The following LPA variants were observed in gnomAD, a reference collection of about 807,000 sequenced individuals.
The protein encoded by LPA is lipoprotein(a).
Under a neutral mutation model 197.9 loss-of-function variants are expected in LPA, and 199 were observed. The observed-to-expected ratio is 1.01, with a 90% CI of 0.90 to 1.13. LPA has a LOEUF of 1.13. Among genes scored for constraint, LPA ranks in the 50% most tolerant of loss-of-function variants. The probability of loss-of-function intolerance (pLI) is 0.00; values close to 1 mark genes in which losing one functional copy is unlikely to be tolerated. For missense variants in LPA, 1,853 were observed against 1,785.8 expected (o/e 1.04, Z -0.68); for synonymous variants, 715 against 639.5 (o/e 1.12, Z -1.78).
chr6:160,659,331 C>G (rs554393826), intron 1 of LPA, among the ~76,000 whole-genome samples: 1 of 152,192 alleles, frequency 6.6e-6, no homozygotes, highest in East Asian at 1.9e-4. Flanking sequence ...TTTTCCTTCC[C>G]TAGTCCAAGT....
At position 160,548,539 on chromosome 6, in the gene LPA, C is replaced by T; in HGVS notation, c.5094G>A (p.Gly1698=). ...TGACAGTCGGAGGAGCGACCACAGT[C>T]CCTTCTGTGTCTGAGCATCGCGTCA... ...CNLTRCSDTE[G]TVVAPPTVIQ... is the part of the protein sequence containing the mutation. The change falls in exon 31 of 39, where the codon GGG becomes GGA. Residue 1698 remains glycine (G), a synonymous_variant. Transcript: ENST00000316300. 5 of 1,614,092 alleles carry T rather than the reference C, an allele frequency of 3.1e-6. No individual in the cohort carries two copies. The South Asian group carries it at 4.4e-5, about 14-fold the overall frequency.
intron 2 of LPA, among the ~76,000 whole-genome samples, chr6:160,646,612 T>TA (rs1226848947): frequency 6.1e-5 from 6 of 97,712 alleles, no homozygotes; most frequent in Admixed American, 2.3e-4. Flanking sequence ...TTTTTTTAAA[T>TA]AAAAAATCTA....
chr6:160,566,920 G>A (rs924550052), intron 28 of LPA, among the ~76,000 whole-genome samples: 1 of 152,062 alleles, frequency 6.6e-6, no homozygotes, highest in Non-Finnish European at 1.5e-5. Context: ...ATGGTAAAGG[G>A]ACCAATTTAA....
At chr6:160,611,448 C>A (rs192679543) in intron 16 of LPA, 114 bp downstream of exon 16, 1 of 1,528,240 alleles carries the variant, frequency 6.5e-7, no homozygotes. Flanking sequence ...CATTTTGCTA[C>A]ACCATCTGAA....
Position 160,599,609 on chromosome 6 carries a change from G to A in LPA, c.3178C>T (p.Gln1060Ter), listed in dbSNP as rs113020022. The A allele has an allele frequency of 2.3e-5, 37 of 1,614,136 alleles. No homozygotes were observed. Among genetic ancestry groups the A allele is most frequent in the Non-Finnish European group, 3.1e-5 (37 of 1,179,996 alleles). The change falls in exon 20 of 39, where the codon CAG becomes TAG. Residue 1060 changes from glutamine to a stop codon, truncating the protein, a stop_gained. Coordinates refer to ENST00000316300, the MANE Select transcript of LPA (RefSeq NM_005577.4). LOFTEE classifies it high-confidence loss of function. ...GVQDCYYHYGQSYRGTYSTTV... is the reference protein window; with the variant it reads ...GVQDCYYHYG ...GTGGAGTATGTGCCTCGGTAACTCT[G>A]TCCATAATGGTAGTAGCAGTCCTGT...
In LPA at chr6:160,605,135, G is replaced by A. The variant is rs771701529; in HGVS notation, c.2856C>T (p.Tyr952=). The A allele has an allele frequency of 2.5e-6, 4 of 1,613,896 alleles. No individual in the cohort carries two copies. The highest frequency in any genetic ancestry group is 3.4e-6 in the Non-Finnish European group (4 of 1,179,882). Reference sequence around the variant, plus strand: ...AGGTTCTTCCTGTGACAGTAATGAAGTATGTGCCTTGATAACTCTGTCCAT... The same window carrying A: ...AGGTTCTTCCTGTGACAGTAATGAAATATGTGCCTTGATAACTCTGTCCAT... ...HGNGQSYQGT[Y]FITVTGRTCQ... The change falls in exon 18 of 39, where the codon TAC becomes TAT. Residue 952 remains tyrosine, a synonymous_variant. Coordinates refer to ENST00000316300, the MANE Select transcript of LPA (RefSeq NM_005577.4).
intron 26 of LPA, among the ~76,000 whole-genome samples, chr6:160,579,098 C>T (rs1778741775): frequency 6.6e-6 from 1 of 151,966 alleles, no homozygotes; most frequent in African/African-American, 2.4e-5. Context: ...GTCTGTCTAG[C>T]TCTTTGTCTC....
At chr6:160,659,478 A>T (rs1780186675) in intron 1 of LPA, among the ~76,000 whole-genome samples, 1 of 152,240 alleles carries the variant, frequency 6.6e-6, no homozygotes. Context: ...CTGTGGGCCC[A>T]AGCCAGGAGC....
intron 18 of LPA, among the ~76,000 whole-genome samples, chr6:160,601,933 T>C (rs748123614): frequency 1.5e-4 from 23 of 152,230 alleles, no homozygotes; most frequent in Middle Eastern, 6.8e-3. Flanking sequence ...GACTATGAGG[T>C]CTGAAGAGGT....
chr6:160,663,687 T>A (rs2115116400), intron 1 of LPA, among the ~76,000 whole-genome samples: 1 of 152,330 alleles, frequency 6.6e-6, no homozygotes, highest in South Asian at 2.1e-4. Context: ...AAAGCCTTAC[T>A]CAGGCCATAA....
At chr6:160,541,248 G>T in intron 34 of LPA, 67 bp from the exon 35 acceptor site, 1 of 1,153,822 alleles carries the variant, frequency 8.7e-7, no homozygotes, top group Non-Finnish European at 1.3e-6. Flanking sequence ...TGTACAGAAA[G>T]CCAGGAAGAC....
chr6:160,545,605 A>G (rs1778056479), intron 32 of LPA, 72 bp from the exon 33 acceptor site: 2 of 856,160 alleles, frequency 2.3e-6, no homozygotes, highest in Non-Finnish European at 4.1e-6. Flanking sequence ...TAAGGCACAC[A>G]CATTTCACAT....
intron 21 of LPA, among the ~76,000 whole-genome samples, chr6:160,594,545 C>T (rs41271034): frequency 1.1e-4 from 16 of 152,162 alleles, no homozygotes; most frequent in African/African-American, 3.9e-4. Context: ...CCTCCAAAGC[C>T]AAAGCCTTCA....
At chr6:160,589,245 T>C (rs374676486) in intron 24 of LPA, among the ~76,000 whole-genome samples, 3 of 152,310 alleles carry the variant, frequency 2.0e-5, no homozygotes, top group African/African-American at 2.4e-5. Context: ...ATTTCACTGG[T>C]CTTTAGTGGG....
chr6:160,545,007 T>A (rs542905248), intron 33 of LPA, among the ~76,000 whole-genome samples: 1 of 152,200 alleles, frequency 6.6e-6, no homozygotes, highest in Non-Finnish European at 1.5e-5. Flanking sequence ...CCATCTGAGG[T>A]TTACAATGTG....
At chr6:160,595,003 C>T (rs1206675469) in intron 21 of LPA, among the ~76,000 whole-genome samples, 1 of 152,262 alleles carries the variant, frequency 6.6e-6, no homozygotes, top group South Asian at 2.1e-4. Flanking sequence ...GAAGAAATAC[C>T]ATGAAAGGCT....
intron 28 of LPA, among the ~76,000 whole-genome samples, chr6:160,576,394 A>G (rs796641036): frequency 0.015 from 778 of 53,340 alleles, 9 homozygotes; most frequent in Non-Finnish European, 0.027. Flanking sequence ...ATATATGTAT[A>G]TATATATATA....
At chr6:160,538,648 A>G (rs1264774826) in intron 36 of LPA, among the ~76,000 whole-genome samples, 1 of 152,212 alleles carries the variant, frequency 6.6e-6, no homozygotes, top group African/African-American at 2.4e-5. Context: ...GAAATGCCGT[A>G]TTCTGACCAA....
chr6:160,548,419 C>A, intron 31 of LPA, 59 bp downstream of exon 31: 2 of 1,560,186 alleles, frequency 1.3e-6, no homozygotes, highest in Non-Finnish European at 1.8e-6. Flanking sequence ...TCTTTTCATC[C>A]CGTTGTCCAA....
Sources: allele counts gnomAD v4.1 joint callset (sites outside exome capture counted in the v4.1 genomes callset), GRCh38; gene constraint gnomAD v4.1.1; transcripts MANE v1.5; gene names NCBI Gene and HGNC (gene_info 2026-07-23, HGNC 2026-07-21).